The following ADAMTSL1 variants were observed in gnomAD, a reference collection of about 807,000 sequenced individuals.
ADAMTSL1 encodes the protein ADAMTS like 1.
In ADAMTSL1, 126 loss-of-function variants were observed where a neutral mutation model predicts 201.8. The observed-to-expected ratio is 0.62, with a 90% CI of 0.54 to 0.72. ADAMTSL1 has a LOEUF of 0.72. Among genes scored for constraint, ADAMTSL1 ranks in the 30% least tolerant of loss-of-function variants. The pLI, the probability that ADAMTSL1 is intolerant of heterozygous loss-of-function variation, is 0.00. For missense variants in ADAMTSL1, 2,679 were observed against 2,277.8 expected (o/e 1.18, Z -3.59); for synonymous variants, 1,121 against 903.4 (o/e 1.24, Z -4.32).
chr9:18,420,780 A>G (rs141477355), intron 2 of ADAMTSL1, among the ~76,000 whole-genome samples: 50 of 152,318 alleles, frequency 3.3e-4, no homozygotes, highest in African/African-American at 1.2e-3. Flanking sequence ...TTTAAAAGGT[A>G]TATTCCTTAA....
chr9:18,034,209 A>G (rs1168201327), intron 1 of ADAMTSL1, among the ~76,000 whole-genome samples: 1 of 152,092 alleles, frequency 6.6e-6, no homozygotes, highest in Non-Finnish European at 1.5e-5. Context: ...CTTCTCATTA[A>G]CAACCTTCTA....
chr9:18,280,965 T>C (rs1350151625), intron 2 of ADAMTSL1, among the ~76,000 whole-genome samples: 1 of 149,422 alleles, frequency 6.7e-6, no homozygotes, highest in African/African-American at 2.5e-5. Context: ...AGCCTTGAAC[T>C]CCTAGATTCA....
chr9:17,908,870 G>A (rs1050097115), intron 1 of ADAMTSL1, among the ~76,000 whole-genome samples: 1 of 152,094 alleles, frequency 6.6e-6, no homozygotes, highest in Non-Finnish European at 1.5e-5. Flanking sequence ...GGTATTTCTA[G>A]TTCTAGGTCC....
intron 1 of ADAMTSL1, among the ~76,000 whole-genome samples, chr9:18,497,887 A>C (rs1335740352): frequency 3.3e-5 from 5 of 152,210 alleles, no homozygotes; most frequent in Non-Finnish European, 7.3e-5. Flanking sequence ...AAGTTACCAT[A>C]GTTCTGAAAT....
intron 1 of ADAMTSL1, among the ~76,000 whole-genome samples, chr9:18,153,427 T>C (rs1415382034): frequency 6.6e-6 from 1 of 152,066 alleles, no homozygotes; most frequent in Admixed American, 6.6e-5. Flanking sequence ...AAAGCCTTCA[T>C]TAATTTACCA....
At chr9:18,439,261 A>G (rs1041815280) in intron 2 of ADAMTSL1, among the ~76,000 whole-genome samples, 6 of 152,226 alleles carry the variant, frequency 3.9e-5, no homozygotes, top group Non-Finnish European at 7.3e-5. Flanking sequence ...GGCATTAAAG[A>G]ACAGATAACA....
chr9:18,380,500 C>A (rs984953644), intron 2 of ADAMTSL1, among the ~76,000 whole-genome samples: 13 of 152,262 alleles, frequency 8.5e-5, no homozygotes, highest in African/African-American at 3.1e-4. Context: ...TCCCTTCCCC[C>A]ACCAATAACC....
intron 15 of ADAMTSL1, among the ~76,000 whole-genome samples, chr9:18,725,679 G>A (rs1477767276): frequency 2.0e-5 from 3 of 151,752 alleles, no homozygotes; most frequent in African/African-American, 4.8e-5. Context: ...CTCAAGCACA[G>A]CAGAATAAAA....
chr9:17,943,783 T>TA (rs887567451), intron 1 of ADAMTSL1, among the ~76,000 whole-genome samples: 15 of 151,994 alleles, frequency 9.9e-5, no homozygotes, highest in African/African-American at 3.1e-4. Flanking sequence ...GGGTAATTTA[T>TA]AAAAAAAGAG....
chr9:18,203,987 G>C (rs1393286651), intron 2 of ADAMTSL1, among the ~76,000 whole-genome samples: 8 of 152,188 alleles, frequency 5.3e-5, no homozygotes, highest in Admixed American at 3.3e-4. Context: ...GAAGAAAGAA[G>C]CAGTGAAACT....
At chr9:18,474,075 T>C, upstream of ADAMTSL1, 23 of 364,798 alleles carry the variant, frequency 6.3e-5, no homozygotes, top group East Asian at 2.1e-4. Flanking sequence ...CCCCCACCCA[T>C]CCACCCACCC....
intron 19 of ADAMTSL1, among the ~76,000 whole-genome samples, chr9:18,778,805 A>C (rs1473876289): frequency 6.6e-6 from 1 of 152,254 alleles, no homozygotes; most frequent in Non-Finnish European, 1.5e-5. Context: ...GGTTGTATTT[A>C]TTATGTGGCA....
At chr9:18,868,797 C>G (rs1383325250) in intron 23 of ADAMTSL1, among the ~76,000 whole-genome samples, 1 of 152,196 alleles carries the variant, frequency 6.6e-6, no homozygotes, top group Non-Finnish European at 1.5e-5. Context: ...TCAATAGTGT[C>G]CAGTTGCCTC....
intron 2 of ADAMTSL1, among the ~76,000 whole-genome samples, chr9:18,165,142 T>C (rs1234473326): frequency 1.3e-5 from 2 of 151,948 alleles, no homozygotes; most frequent in Admixed American, 1.3e-4. Flanking sequence ...GACCTACACA[T>C]TGTCACCTAA....
At chr9:18,030,271 A>G (rs1820890210) in intron 1 of ADAMTSL1, among the ~76,000 whole-genome samples, 1 of 152,172 alleles carries the variant, frequency 6.6e-6, no homozygotes, top group Non-Finnish European at 1.5e-5. Context: ...ACTGGAAACC[A>G]TCATTCTCAG....
chr9:18,814,056 G>A (rs549279516), intron 20 of ADAMTSL1, among the ~76,000 whole-genome samples: 30 of 152,256 alleles, frequency 2.0e-4, no homozygotes, highest in African/African-American at 6.0e-4. Flanking sequence ...TACATCTATT[G>A]TCTTTCTTAT....
At chr9:18,778,029 C>T (rs1821166098) in intron 19 of ADAMTSL1, 123 bp downstream of exon 19, 10 of 1,286,746 alleles carry the variant, frequency 7.8e-6, no homozygotes, top group Non-Finnish European at 1.0e-5. Flanking sequence ...GCCTCGGGGA[C>T]CCCATCATGG....
At chr9:18,263,325 A>T (rs763095809) in intron 2 of ADAMTSL1, among the ~76,000 whole-genome samples, 1 of 152,110 alleles carries the variant, frequency 6.6e-6, no homozygotes, top group Admixed American at 6.5e-5. Context: ...CGTCTCCTAG[A>T]ATTTTCTAAT....
intron 4 of ADAMTSL1, among the ~76,000 whole-genome samples, chr9:18,578,935 A>T (rs1822909649): frequency 6.6e-6 from 1 of 151,178 alleles, no homozygotes; most frequent in South Asian, 2.1e-4. Context: ...CTGGTGTGAG[A>T]TGATATCTCA....
Sources: gnomAD v4.1 joint callset for allele counts (sites outside exome capture counted in the v4.1 genomes callset) on GRCh38, gnomAD v4.1.1 for gene constraint, MANE v1.5 for transcripts, NCBI Gene and HGNC (gene_info 2026-07-23, HGNC 2026-07-21) for gene names.